Variants in NACC2 observed in about 807,000 individuals in gnomAD.
NACC2 encodes NACC family member 2.
Under a neutral mutation model 25.1 loss-of-function variants are expected in NACC2, and 8 were observed. The ratio of observed to expected loss-of-function variants is 0.32; its 90% CI spans 0.19 to 0.57. NACC2 has a LOEUF of 0.57. Among genes scored for constraint, NACC2 ranks in the 20% least tolerant of loss-of-function variants. NACC2 has a pLI of 0.89. For missense variants in NACC2, 644 were observed against 650.2 expected (o/e 0.99, Z 0.10); for synonymous variants, 435 against 294.7 (o/e 1.48, Z -4.88).
chr9:136,012,342 G>A (rs553378335), intron 5 of NACC2, among the ~76,000 whole-genome samples: 22 of 152,374 alleles, frequency 1.4e-4, no homozygotes, highest in Non-Finnish European at 2.9e-4. Context: ...AACGGCTAAC[G>A]GGAACTGGTC....
intron 1 of NACC2, among the ~76,000 whole-genome samples, chr9:136,051,438 G>A (rs1403484651): frequency 6.6e-6 from 1 of 152,194 alleles, no homozygotes; most frequent in Non-Finnish European, 1.5e-5. Flanking sequence ...AGGGGTCCCA[G>A]CCCTCGCCGG....
At position 136,084,016 on chromosome 9, in the gene NACC2, C is replaced by G. The variant is rs1354081107; in HGVS notation, c.-60+11173G>C. Among the ~76,000 whole-genome samples the G allele has an allele frequency of 6.6e-6, 1 of 152,142 alleles. No individual in the cohort carries two copies. The highest frequency in any genetic ancestry group is 1.5e-5 in the Non-Finnish European group (1 of 68,028). The stretch of plus-strand genomic sequence containing the variant: ...GGGAGACCCAAGACCTGGCCACAAC[C>G]CCATCTCCTAGTTCCTCTACAGCCC... On this transcript the variant is annotated intron_variant, in intron 1 of 5. Transcript: ENST00000277554. The surrounding 1 kb of genome is among the most constrained non-coding windows in gnomAD (Gnocchi z 5.1).
intron 1 of NACC2, among the ~76,000 whole-genome samples, chr9:136,085,314 C>G (rs1370383260): frequency 6.6e-6 from 1 of 151,036 alleles, no homozygotes; most frequent in African/African-American, 2.4e-5. Context: ...TGTGCCCGAC[C>G]CAAAAAAATT....
intron 1 of NACC2, among the ~76,000 whole-genome samples, chr9:136,077,604 G>A (rs1302247924): frequency 6.6e-6 from 1 of 152,146 alleles, no homozygotes; most frequent in Non-Finnish European, 1.5e-5. Context: ...GAAACGCACA[G>A]AGGAGGGAGG....
intron 3 of NACC2, among the ~76,000 whole-genome samples, chr9:136,015,600 G>T (rs1027850521): frequency 1.3e-5 from 2 of 152,176 alleles, no homozygotes; most frequent in Non-Finnish European, 2.9e-5. Flanking sequence ...ACAGGACAGG[G>T]CTACGCAGAA....
rs533148432 is a variant in NACC2, at chr9:136,055,203, G to A, written c.-59-4623C>T. 1.3e-5 allele frequency among the ~76,000 whole-genome samples: 2 copies of A among 152,248 alleles called. No individual in the cohort carries two copies. The highest frequency in any genetic ancestry group is 3.9e-4 in the East Asian group (2 of 5,170). ...ATGGGTGAGAGGAGCCCGCGGGGAG[G>A]ACAGGGGCTCACTGGAACTGCAGCC... On this transcript the variant is annotated intron_variant, in intron 1 of 5. Transcript: ENST00000277554. This position sits in a 1 kb window ranked among gnomAD's most constrained non-coding sequence, Gnocchi z 4.9.
chr9:136,094,712 C>G (rs1019073206), intron 1 of NACC2, among the ~76,000 whole-genome samples: 1 of 151,734 alleles, frequency 6.6e-6, no homozygotes, highest in Non-Finnish European at 1.5e-5. Context: ...CTGGGCCAGG[C>G]AGCTGCGCAG....
chr9:136,090,529 G>A (rs370065758), intron 1 of NACC2, among the ~76,000 whole-genome samples: 3 of 152,106 alleles, frequency 2.0e-5, no homozygotes, highest in African/African-American at 4.8e-5. Context: ...GGTGGGGGCT[G>A]GGTTGCTAGC....
At chr9:136,016,208 A>C in intron 3 of NACC2, 57 bp downstream of exon 3, 1 of 1,586,514 alleles carries the variant, frequency 6.3e-7, no homozygotes, top group Middle Eastern at 2.0e-4. Flanking sequence ...CCAATAAATA[A>C]ATAAATAAAT....
Position 136,095,277 on chromosome 9 carries a change from A to T in NACC2, c.-148T>A, listed in dbSNP as rs1360258422. 6.8e-6 allele frequency: 1 copy of T among 146,760 alleles called. No homozygotes were observed. Among genetic ancestry groups the T allele is most frequent in the Non-Finnish European group, 1.5e-5 (1 of 65,980 alleles). 9.1% of individuals were successfully genotyped at this position (146,760 alleles called of 1,614,324 possible). On this transcript the variant is annotated 5_prime_UTR_variant, in exon 1 of 6. It removes an upstream start codon present in the reference 5' UTR. Coordinates refer to ENST00000277554, the MANE Select transcript of NACC2 (RefSeq NM_144653.5). ...TTGGCGTCCCGGCGCTCCGGCTCCC[A>T]TGGACTTTCTCCGACCTCGCCCAGC...
intron 2 of NACC2, among the ~76,000 whole-genome samples, chr9:136,046,334 G>A (rs958783754): frequency 6.6e-5 from 10 of 152,202 alleles, no homozygotes; most frequent in African/African-American, 2.4e-4. Context: ...TGCACTGGGC[G>A]TTTCCCTTCC....
intron 1 of NACC2, among the ~76,000 whole-genome samples, chr9:136,074,211 G>A (rs113398630): frequency 2.7e-5 from 4 of 149,846 alleles, no homozygotes; most frequent in Admixed American, 2.7e-4. Context: ...AGCACTTTGG[G>A]AGGCCGAGGA....
intron 1 of NACC2, among the ~76,000 whole-genome samples, chr9:136,059,278 G>A (rs1014827355): frequency 6.6e-6 from 1 of 152,186 alleles, no homozygotes; most frequent in Non-Finnish European, 1.5e-5. Context: ...ACGCACAGGG[G>A]CCCGCAGAGC....
intron 1 of NACC2, among the ~76,000 whole-genome samples, chr9:136,072,080 A>G (rs1178378039): frequency 1.3e-5 from 2 of 152,068 alleles, no homozygotes; most frequent in African/African-American, 4.8e-5. Context: ...TGTACTAGAA[A>G]TATAAAAATT....
At chr9:136,012,801 G>T (rs909518089) in intron 5 of NACC2, among the ~76,000 whole-genome samples, 1 of 152,214 alleles carries the variant, frequency 6.6e-6, no homozygotes, top group Non-Finnish European at 1.5e-5. Flanking sequence ...GGCCGGGGGC[G>T]GCGGTCTGCC....
chr9:136,056,564 C>T (rs1260795620), intron 1 of NACC2, among the ~76,000 whole-genome samples: 1 of 152,182 alleles, frequency 6.6e-6, no homozygotes, highest in African/African-American at 2.4e-5. Flanking sequence ...CGACCCTGAC[C>T]TGCCAGGGCC....
intron 1 of NACC2, among the ~76,000 whole-genome samples, chr9:136,076,671 G>T (rs1490509209): frequency 1.3e-5 from 2 of 152,168 alleles, no homozygotes; most frequent in African/African-American, 4.8e-5. Context: ...TTAAAAAATG[G>T]TTAAAATGGT....
At chr9:136,046,834 A>G (rs1167679265) in intron 2 of NACC2, among the ~76,000 whole-genome samples, 2 of 152,166 alleles carry the variant, frequency 1.3e-5, no homozygotes, top group Non-Finnish European at 2.9e-5. Context: ...CACACAGACC[A>G]TGGGGCGGGG....
intron 1 of NACC2, among the ~76,000 whole-genome samples, chr9:136,077,806 G>A (rs1343802537): frequency 6.6e-6 from 1 of 152,256 alleles, no homozygotes; most frequent in African/African-American, 2.4e-5. Flanking sequence ...TAAAAGGTAA[G>A]TGAAAGTAGT....
Sources: gnomAD v4.1 joint callset for allele counts (sites outside exome capture counted in the v4.1 genomes callset) on GRCh38, gnomAD v4.1.1 for gene constraint, Gnocchi (gnomAD v3.1) non-coding constraint, MANE v1.5 for transcripts, NCBI Gene and HGNC (gene_info 2026-07-23, HGNC 2026-07-21) for gene names.